The following ST18 variants were observed in gnomAD, a reference collection of about 807,000 sequenced individuals.
ST18 encodes suppression of tumorigenicity 18 protein.
ST18 carries 50 observed loss-of-function variants against 110.0 expected under a neutral mutation model. The observed-to-expected ratio is 0.45, with a 90% CI of 0.36 to 0.58. The LOEUF (loss-of-function observed/expected upper bound fraction) is 0.58, where lower values mean the gene tolerates loss of function less well. Among genes scored for constraint, ST18 ranks in the 20% least tolerant of loss-of-function variants. The pLI is 0.00. For missense variants in ST18, 1,306 were observed against 1,280.1 expected, an observed-to-expected ratio of 1.02 and a Z score of -0.31; for synonymous variants, 461 against 452.4, an observed-to-expected ratio of 1.02 and a Z score of -0.24.
intron 2 of ST18, among the ~76,000 whole-genome samples, chr8:52,319,707 G>A (rs1803037377): frequency 6.6e-6 from 1 of 152,172 alleles, no homozygotes; most frequent in Non-Finnish European, 1.5e-5. Flanking sequence ...TCAGCTGGGT[G>A]ATTCTCGGTT....
intron 8 of ST18, among the ~76,000 whole-genome samples, chr8:52,192,066 A>G (rs1055761580): frequency 6.6e-6 from 1 of 152,218 alleles, no homozygotes; most frequent in African/African-American, 2.4e-5. Flanking sequence ...GGGCTGGCAC[A>G]GAGGGGTCAT....
intron 2 of ST18, among the ~76,000 whole-genome samples, chr8:52,357,191 C>T (rs1248459803): frequency 1.3e-5 from 2 of 152,046 alleles, no homozygotes; most frequent in African/African-American, 4.8e-5. Context: ...CTTCCATCCC[C>T]TCAAGCATTT....
chr8:52,404,847 A>G (rs944767417), intron 2 of ST18: 1 of 152,176 alleles, frequency 6.6e-6, no homozygotes, highest in South Asian at 2.1e-4. Flanking sequence ...CTTTTTAAAA[A>G]AATTATTTTT....
intron 2 of ST18, among the ~76,000 whole-genome samples, chr8:52,335,975 C>T (rs1038785776): frequency 3.3e-5 from 5 of 152,068 alleles, no homozygotes; most frequent in Admixed American, 2.0e-4. Flanking sequence ...TCTGTCTCCC[C>T]TCTTGTCCCA....
Position 52,379,134 on chromosome 8 carries a change from T to G in ST18, c.-465+30194A>C, listed in dbSNP as rs1342232775. 2.7e-5 allele frequency among the ~76,000 whole-genome samples: 4 copies of G among 150,332 alleles called. No individual in the cohort carries two copies. The East Asian group carries it at 7.8e-4, about 29-fold the overall frequency. ...TTTTTTTTGAGACAGGGTCTTGCTC[T>G]GTCACCCAGGCTGAAGTGCAGTGGC... On this transcript the variant is annotated intron_variant, in intron 2 of 25. Coordinates refer to ENST00000689386, the MANE Select transcript of ST18 (RefSeq NM_001352837.2).
chr8:52,317,893 T>C (rs561201863), intron 2 of ST18, among the ~76,000 whole-genome samples: 1 of 152,332 alleles, frequency 6.6e-6, no homozygotes, highest in East Asian at 1.9e-4. Flanking sequence ...CACATTTTTA[T>C]TGTACATTTC....
rs78859432 is a variant in ST18 at position 52,145,658 on chromosome 8, G to T, written c.2053-2613C>A. ...TTGAAAATAATAATTTTATTTTGTG[G>T]TTGTGTAAAAGAGGATGTGGTATAT... is the stretch of plus-strand genomic sequence containing the variant. On this transcript the variant is annotated intron_variant, in intron 16 of 25. Coordinates refer to ENST00000689386, the MANE Select transcript of ST18 (RefSeq NM_001352837.2). 9.9e-3 allele frequency among the ~76,000 whole-genome samples: 1,505 copies of T among 152,244 alleles called. 19 individuals carry two copies. Among genetic ancestry groups the T allele is most frequent in the Middle Eastern group, 0.031 (9 of 294 alleles).
intron 2 of ST18, among the ~76,000 whole-genome samples, chr8:52,255,038 C>G (rs2094480121): frequency 6.6e-6 from 1 of 152,146 alleles, no homozygotes; most frequent in African/African-American, 2.4e-5. Context: ...TTGGTAAACA[C>G]AAGCCCCAAG....
intron 2 of ST18, among the ~76,000 whole-genome samples, chr8:52,272,549 GACA>G (rs2095109571): frequency 1.4e-5 from 2 of 142,926 alleles, no homozygotes; most frequent in Non-Finnish European, 2.9e-5. Flanking sequence ...GGCGATTATA[GACA>G]ACAACAAAAA....
At chr8:52,210,104 C>T (rs930302027) in intron 8 of ST18, 13 of 455,914 alleles carry the variant, frequency 2.9e-5, no homozygotes, top group Non-Finnish European at 4.8e-5. Flanking sequence ...CTCATGTCCA[C>T]GGGCACACTG....
intron 2 of ST18, among the ~76,000 whole-genome samples, chr8:52,343,495 G>A (rs1816175598): frequency 6.6e-6 from 1 of 152,144 alleles, no homozygotes; most frequent in South Asian, 2.1e-4. Context: ...GGTGGGGACC[G>A]TGCTGGCTTT....
At chr8:52,223,726 A>T (rs1255509765) in intron 3 of ST18, among the ~76,000 whole-genome samples, 2 of 152,104 alleles carry the variant, frequency 1.3e-5, no homozygotes, top group Non-Finnish European at 2.9e-5. Flanking sequence ...AAAGTGAAAA[A>T]TTTATTGAAA....
intron 2 of ST18, among the ~76,000 whole-genome samples, chr8:52,240,131 T>C (rs1314431283): frequency 6.6e-6 from 1 of 152,248 alleles, no homozygotes; most frequent in African/African-American, 2.4e-5. Flanking sequence ...GCATAAATTG[T>C]TTAAGACTGT....
chr8:52,377,949 A>ATTAT (rs1833036541), intron 2 of ST18, among the ~76,000 whole-genome samples: 1 of 152,204 alleles, frequency 6.6e-6, no homozygotes, highest in Non-Finnish European at 1.5e-5. Flanking sequence ...ATTTGCAGCA[A>ATTAT]CATGCATGGA....
intron 2 of ST18, among the ~76,000 whole-genome samples, chr8:52,351,488 G>T (rs1240020978): frequency 2.0e-5 from 3 of 152,196 alleles, no homozygotes; most frequent in Non-Finnish European, 4.4e-5. Context: ...CCCCATAGGA[G>T]CCCAATGCTT....
chr8:52,114,128 C>T (rs7016465), intron 25 of ST18, among the ~76,000 whole-genome samples: 40,342 of 151,346 alleles, frequency 0.27, 5,653 homozygotes, highest in East Asian at 0.44. Context: ...CACCACCACT[C>T]CCAGCTAATT....
rs562573531 is a variant in ST18, at chr8:52,304,475, G to A, written c.-464-74398C>T. ...AATTTTTAAAAATCCTTTGGATCCA[G>A]AAATATTAATTCTAAAAACTTACTG... On this transcript the variant is annotated intron_variant, in intron 2 of 25. Coordinates refer to ENST00000689386, the MANE Select transcript of ST18 (RefSeq NM_001352837.2). Among the ~76,000 whole-genome samples, 5 of 152,176 alleles carry A rather than the reference G, an allele frequency of 3.3e-5. No homozygotes were observed. The South Asian group carries it at 6.2e-4, about 19-fold the overall frequency.
At chr8:52,289,674 G>A (rs542716793) in intron 2 of ST18, among the ~76,000 whole-genome samples, 35 of 152,226 alleles carry the variant, frequency 2.3e-4, no homozygotes, top group Admixed American at 1.6e-3. Context: ...AGCCATTGGG[G>A]TGGGCTGCTC....
At chr8:52,146,430 T>G (rs925724254) in intron 16 of ST18, among the ~76,000 whole-genome samples, 26 of 152,106 alleles carry the variant, frequency 1.7e-4, no homozygotes, top group African/African-American at 6.3e-4. Context: ...CTCCAGTTTT[T>G]GGTGATTTTT....
Sources: allele counts gnomAD v4.1 joint callset (sites outside exome capture counted in the v4.1 genomes callset), GRCh38; gene constraint gnomAD v4.1.1; transcripts MANE v1.5; gene names NCBI Gene and HGNC (gene_info 2026-07-23, HGNC 2026-07-21).